Variants in THOC1 observed in about 807,000 individuals in gnomAD.
THOC1 encodes THO complex 1.
Under a neutral mutation model 97.3 loss-of-function variants are expected in THOC1, and 29 were observed. That is an observed-to-expected ratio of 0.30 (90% CI 0.22 to 0.41). THOC1 has a LOEUF of 0.41. Among genes scored for constraint, THOC1 ranks in the 10% least tolerant of loss-of-function variants. THOC1 has a pLI of 1.00. For missense variants in THOC1, 529 were observed against 761.9 expected (o/e 0.69, Z 3.60); for synonymous variants, 255 against 257.0 (o/e 0.99, Z 0.07).
intron 18 of THOC1, among the ~76,000 whole-genome samples, chr18:217,040 A>G (rs1195172378): frequency 6.6e-6 from 1 of 152,252 alleles, no homozygotes; most frequent in Non-Finnish European, 1.5e-5. Flanking sequence ...TCAGGGTGGT[A>G]TACCATCAGG....
At position 263,997 on chromosome 18, in the gene THOC1, TAAACA is replaced by T. The variant is rs750532956; in HGVS notation, c.256+24_256+28del. The T allele has an allele frequency of 3.9e-6, 6 of 1,557,616 alleles. No homozygotes were observed. The African/African-American group carries it at 5.4e-5, about 14-fold the overall frequency. ...AAGCATGTCATGTCCAAGATTACTT[TAAACA>T]AAACAAAACGGAACCATACTTACCT... On this transcript the variant is annotated intron_variant, in intron 4 of 20. Coordinates refer to ENST00000261600, the MANE Select transcript of THOC1 (RefSeq NM_005131.3).
At chr18:226,721 A>G in intron 12 of THOC1, 80 bp downstream of exon 12, 1 of 1,023,078 alleles carries the variant, frequency 9.8e-7, no homozygotes, top group Non-Finnish European at 1.5e-6. Context: ...AAATGGACAC[A>G]TACATAAGAA....
chr18:245,339 G>C (rs1341630658), intron 11 of THOC1: 1 of 152,026 alleles, frequency 6.6e-6, no homozygotes, highest in African/African-American at 2.4e-5. Flanking sequence ...CTGTCTAGCA[G>C]TTTTGCATCT....
chr18:261,229 C>T (rs1481530000), intron 4 of THOC1: 1 of 152,088 alleles, frequency 6.6e-6, no homozygotes, highest in African/African-American at 2.4e-5. Flanking sequence ...TTTTATATCC[C>T]TACTCATTCT....
intron 4 of THOC1, among the ~76,000 whole-genome samples, chr18:262,313 G>A (rs554763144): frequency 6.6e-6 from 1 of 152,306 alleles, no homozygotes; most frequent in South Asian, 2.1e-4. Flanking sequence ...GCTTTAACCA[G>A]TAGCATCTCA....
At chr18:259,881 A>G in intron 5 of THOC1, 151 bp from the exon 6 acceptor site, 3 of 554,030 alleles carry the variant, frequency 5.4e-6, no homozygotes, top group Non-Finnish European at 9.3e-6. Context: ...AACATTTTCA[A>G]TGAAATAAAA....
chr18:254,234 G>A lies in THOC1; in HGVS notation c.603+39C>T. The A allele has an allele frequency of 2.8e-6, 4 of 1,413,172 alleles. No individual in the cohort carries two copies. The highest frequency in any genetic ancestry group is 3.9e-6 in the Non-Finnish European group (4 of 1,019,176). 87.5% of individuals were successfully genotyped at this position (1,413,172 alleles called of 1,614,324 possible). A position where few individuals can be genotyped will look rare whatever the true frequency, so the allele number is the denominator to read the frequency against. ...GACCCACTATCTTAATAACAAACTTGCAAATATGTTATCTGAGAAGATTTC... is the reference window on the plus strand; with the variant it reads ...GACCCACTATCTTAATAACAAACTTACAAATATGTTATCTGAGAAGATTTC... On this transcript the variant is annotated intron_variant, in intron 8 of 20. Transcript: ENST00000261600. This position sits in a 1 kb window ranked among gnomAD's most constrained non-coding sequence, Gnocchi z 4.1.
chr18:230,009 G>C (rs923736806), intron 11 of THOC1, among the ~76,000 whole-genome samples: 4 of 152,116 alleles, frequency 2.6e-5, no homozygotes, highest in African/African-American at 9.7e-5. Flanking sequence ...TCTCAACCTA[G>C]ATCTTGTTCC....
intron 7 of THOC1, among the ~76,000 whole-genome samples, chr18:257,721 T>C (rs1912479846): frequency 1.3e-5 from 2 of 151,964 alleles, no homozygotes; most frequent in African/African-American, 2.4e-5. Context: ...CCAAGACTTA[T>C]TTAAGGTATT....
chr18:215,629 A>C (rs1910853762), intron 19 of THOC1, 125 bp from the exon 20 acceptor site: 1 of 693,646 alleles, frequency 1.4e-6, no homozygotes. Context: ...CACCCCTGAG[A>C]GCGTTAAATG....
chr18:257,236 T>A (rs1215416640), intron 7 of THOC1, among the ~76,000 whole-genome samples: 1 of 152,218 alleles, frequency 6.6e-6, no homozygotes, highest in African/African-American at 2.4e-5. Flanking sequence ...ATAGAGTTGA[T>A]CCTTATTATT....
chr18:267,344 T>C (rs1176372718), intron 1 of THOC1, among the ~76,000 whole-genome samples: 1 of 152,200 alleles, frequency 6.6e-6, no homozygotes, highest in African/African-American at 2.4e-5. Flanking sequence ...ACAGTGTTAC[T>C]CTAATAGTTA....
intron 11 of THOC1, among the ~76,000 whole-genome samples, chr18:237,739 T>A (rs543707024): frequency 6.6e-6 from 1 of 152,220 alleles, no homozygotes; most frequent in Non-Finnish European, 1.5e-5. Flanking sequence ...AACTGTACAA[T>A]AGTTTTCTAC....
chr18:246,203 C>T, intron 11 of THOC1, 121 bp downstream of exon 11: 4 of 844,862 alleles, frequency 4.7e-6, no homozygotes, highest in South Asian at 1.9e-5. Flanking sequence ...AATCAATCAG[C>T]TTTAACCCAA....
chr18:221,606 CTTT>C (rs369952039), intron 17 of THOC1, among the ~76,000 whole-genome samples: 3 of 110,948 alleles, frequency 2.7e-5, no homozygotes, highest in Non-Finnish European at 3.6e-5. Flanking sequence ...ATAGATGGAT[CTTT>C]TTTTTTTTTT....
intron 11 of THOC1, among the ~76,000 whole-genome samples, chr18:229,538 G>A (rs939409401): frequency 3.3e-5 from 5 of 151,944 alleles, no homozygotes; most frequent in South Asian, 2.1e-4. Context: ...AAAAATTAGC[G>A]GGGCGTGGTG....
chr18:215,608 T>C, intron 19 of THOC1, 104 bp from the exon 20 acceptor site: 2 of 847,168 alleles, frequency 2.4e-6, no homozygotes, highest in South Asian at 1.5e-5. Context: ...AAGTACAGGG[T>C]GCCAGAACCT....
At chr18:246,039 CTT>C (rs1458502470) in intron 11 of THOC1, 10 of 199,898 alleles carry the variant, frequency 5.0e-5, no homozygotes, top group African/African-American at 7.0e-5. Flanking sequence ...TAAATCCTAA[CTT>C]GACATTTAAA....
At chr18:260,107 T>TA in intron 5 of THOC1, 79 bp downstream of exon 5, 5 of 925,328 alleles carry the variant, frequency 5.4e-6, no homozygotes, top group East Asian at 3.2e-5. Flanking sequence ...ACAAATAAAT[T>TA]TAAAAAAAAA....
Sources: gnomAD v4.1 joint callset for allele counts (sites outside exome capture counted in the v4.1 genomes callset) on GRCh38, gnomAD v4.1.1 for gene constraint, Gnocchi (gnomAD v3.1) non-coding constraint, MANE v1.5 for transcripts, NCBI Gene and HGNC (gene_info 2026-07-23, HGNC 2026-07-21) for gene names.